Variants in SLC1A2 observed in about 807,000 individuals in gnomAD.
SLC1A2 encodes the protein solute carrier family 1 member 2.
A neutral mutation model predicts 48.8 loss-of-function variants in SLC1A2; 15 were observed. The ratio of observed to expected loss-of-function variants is 0.31; its 90% CI spans 0.21 to 0.47. The LOEUF is 0.47. Among genes scored for constraint, SLC1A2 ranks in the 20% least tolerant of loss-of-function variants. The probability of loss-of-function intolerance (pLI) is 0.99; values close to 1 mark genes in which losing one functional copy is unlikely to be tolerated. For synonymous variants in SLC1A2, 279 were observed against 272.6 expected, an observed-to-expected ratio of 1.02 and a Z score of -0.23; for missense variants, 502 against 730.5, an observed-to-expected ratio of 0.69 and a Z score of 3.61.
intron 1 of SLC1A2, among the ~76,000 whole-genome samples, chr11:35,319,526 A>G (rs1851993307): frequency 6.6e-6 from 1 of 152,212 alleles, no homozygotes; most frequent in Non-Finnish European, 1.5e-5. Flanking sequence ...TTGAAATGAG[A>G]ATCAGGCACA....
At chr11:35,283,367 G>A (rs576065403) in intron 8 of SLC1A2, among the ~76,000 whole-genome samples, 5 of 152,190 alleles carry the variant, frequency 3.3e-5, no homozygotes, top group African/African-American at 9.7e-5. Context: ...ACAAACTGCA[G>A]GCATGAAGTA....
chr11:35,344,866 G>A (rs1852972761), intron 1 of SLC1A2, among the ~76,000 whole-genome samples: 1 of 152,174 alleles, frequency 6.6e-6, no homozygotes, highest in Non-Finnish European at 1.5e-5. Flanking sequence ...GGCTTCTGGA[G>A]CCCTGAGCAC....
chr11:35,394,288 C>T (rs1399100358), intron 1 of SLC1A2, among the ~76,000 whole-genome samples: 4 of 152,152 alleles, frequency 2.6e-5, no homozygotes, highest in East Asian at 1.9e-4. Context: ...CACATCAAAA[C>T]GGGTCTCCAA....
intron 1 of SLC1A2, among the ~76,000 whole-genome samples, chr11:35,416,691 T>A (rs1241580309): frequency 6.6e-6 from 1 of 152,256 alleles, no homozygotes; most frequent in Non-Finnish European, 1.5e-5. Context: ...ATTGCTATTT[T>A]TGCTTCCTTC....
At chr11:35,405,432 T>C (rs1855258305) in intron 1 of SLC1A2, among the ~76,000 whole-genome samples, 1 of 152,084 alleles carries the variant, frequency 6.6e-6, no homozygotes, top group Non-Finnish European at 1.5e-5. Flanking sequence ...TTTTTTTTTT[T>C]TTAACTAATG....
chr11:35,375,968 A>G (rs12294149), intron 1 of SLC1A2, among the ~76,000 whole-genome samples: 40,732 of 152,136 alleles, frequency 0.27, 5,521 homozygotes, highest in Middle Eastern at 0.29. Context: ...CAGAGCCAGA[A>G]GCGGAATCCA....
chr11:35,328,151 A>G (rs973917941), intron 1 of SLC1A2, among the ~76,000 whole-genome samples: 2 of 152,140 alleles, frequency 1.3e-5, no homozygotes, highest in African/African-American at 4.8e-5. Context: ...ATCATAAGAA[A>G]ATGGCATCCA....
chr11:35,305,949 G>A (rs1851488145), intron 5 of SLC1A2, 125 bp downstream of exon 5: 1 of 761,192 alleles, frequency 1.3e-6, no homozygotes, highest in Non-Finnish European at 2.1e-6. Flanking sequence ...CCCTCAAATT[G>A]CTCCCCAGAG....
At chr11:35,317,822 C>T (rs905085790) in intron 1 of SLC1A2, among the ~76,000 whole-genome samples, 2 of 152,134 alleles carry the variant, frequency 1.3e-5, no homozygotes, top group Non-Finnish European at 2.9e-5. Context: ...TGAGTCTTGA[C>T]CAAAGTTGCA....
At chr11:35,330,077 G>T (rs1404562465) in intron 1 of SLC1A2, among the ~76,000 whole-genome samples, 1 of 152,198 alleles carries the variant, frequency 6.6e-6, no homozygotes, top group Non-Finnish European at 1.5e-5. Context: ...TGAACAAGGT[G>T]CACACACTTA....
In SLC1A2 at chr11:35,295,400, G is replaced by A. The variant is rs193285044; in HGVS notation, c.858-2880C>T. Among the ~76,000 whole-genome samples, 176 of 152,264 alleles carry A rather than the reference G, an allele frequency of 1.2e-3. 1 individual carries two copies. In the Middle Eastern group the frequency reaches 0.017, roughly 15 times the overall value. ...TTCACTCCGAAACTGGGACTTCTGG[G>A]TTCCTGGGTTTCCATATCAATGAAT... is the stretch of plus-strand genomic sequence containing the variant. On this transcript the variant is annotated intron_variant, in intron 6 of 10. Transcript: ENST00000278379.
At chr11:35,261,768 G>C in intron 10 of SLC1A2, 1 of 398,476 alleles carries the variant, frequency 2.5e-6, no homozygotes, top group Admixed American at 4.4e-5. Context: ...TTAGAATATG[G>C]AGACGTGACA....
chr11:35,356,784 T>G (rs1329405748), intron 1 of SLC1A2, among the ~76,000 whole-genome samples: 1 of 152,244 alleles, frequency 6.6e-6, no homozygotes, highest in African/African-American at 2.4e-5. Context: ...ATCCTTATTC[T>G]TTCAAATATA....
chr11:35,266,329 C>T lies in SLC1A2; in HGVS notation c.1422-571G>A, dbSNP rs139348480. ...TGCACCTGCTTCCCTCACACACAGA[C>T]GCAGCTGTTAGATAAGAAATCCAGC... is the stretch of plus-strand genomic sequence containing the variant. On this transcript the variant is annotated intron_variant, in intron 9 of 10. Coordinates refer to ENST00000278379, the MANE Select transcript of SLC1A2 (RefSeq NM_004171.4). Among the ~76,000 whole-genome samples the T allele has an allele frequency of 2.5e-3, 377 of 152,232 alleles. 2 individuals carry two copies. The Middle Eastern group carries it at 0.027, about 11-fold the overall frequency.
intron 1 of SLC1A2, among the ~76,000 whole-genome samples, chr11:35,340,143 A>C (rs1852783411): frequency 6.6e-6 from 1 of 152,184 alleles, no homozygotes; most frequent in Non-Finnish European, 1.5e-5. Flanking sequence ...AGCAGAGAGA[A>C]GAAGCAACGG....
chr11:35,358,093 C>T (rs1387941798), intron 1 of SLC1A2, among the ~76,000 whole-genome samples: 4 of 151,344 alleles, frequency 2.6e-5, no homozygotes, highest in South Asian at 2.1e-4. Flanking sequence ...TACAGTGAGT[C>T]GAGATTGTGT....
chr11:35,415,402 A>G (rs1304051193), intron 1 of SLC1A2, among the ~76,000 whole-genome samples: 1 of 152,258 alleles, frequency 6.6e-6, no homozygotes, highest in Non-Finnish European at 1.5e-5. Context: ...TGGTTTTCTC[A>G]TAGCTCTACT....
chr11:35,378,522 A>G (rs1040290117), intron 1 of SLC1A2, among the ~76,000 whole-genome samples: 6 of 152,360 alleles, frequency 3.9e-5, no homozygotes, highest in African/African-American at 1.4e-4. Flanking sequence ...CACATCAGCA[A>G]TTTGTGTCTT....
chr11:35,372,546 C>T (rs1176950944), intron 1 of SLC1A2, among the ~76,000 whole-genome samples: 1 of 152,174 alleles, frequency 6.6e-6, no homozygotes, highest in African/African-American at 2.4e-5. Context: ...CAGGAAGGAC[C>T]TAGCAAAGGA....
Sources: gnomAD v4.1 joint callset for allele counts (sites outside exome capture counted in the v4.1 genomes callset) on GRCh38, gnomAD v4.1.1 for gene constraint, MANE v1.5 for transcripts, NCBI Gene and HGNC (gene_info 2026-07-23, HGNC 2026-07-21) for gene names.